NCAM2: variants seen among roughly 807,000 people sequenced by gnomAD.
NCAM2 encodes neural cell adhesion molecule 2.
Under a neutral mutation model 98.1 loss-of-function variants are expected in NCAM2, and 30 were observed. That is an observed-to-expected ratio of 0.31 (90% CI 0.23 to 0.41). NCAM2 has a LOEUF of 0.41. Among genes scored for constraint, NCAM2 ranks in the 10% least tolerant of loss-of-function variants. The pLI, the probability that NCAM2 is intolerant of heterozygous loss-of-function variation, is 1.00. For missense variants in NCAM2, 867 were observed against 1,005.8 expected, an observed-to-expected ratio of 0.86 and a Z score of 1.87; for synonymous variants, 368 against 342.4, an observed-to-expected ratio of 1.07 and a Z score of -0.83.
intron 17 of NCAM2, 60 bp from the exon 18 acceptor site, chr21:21,537,786 G>T (rs1990061256): frequency 3.7e-6 from 3 of 810,568 alleles, no homozygotes; most frequent in Non-Finnish European, 5.9e-6. Context: ...TAACTTAAAG[G>T]TTAAGGTACG....
intron 1 of NCAM2, among the ~76,000 whole-genome samples, chr21:21,184,318 A>G (rs115246635): frequency 9.9e-4 from 150 of 152,196 alleles, no homozygotes; most frequent in African/African-American, 3.3e-3. Context: ...TAAAATAAAA[A>G]AAAAAAGAAA....
Position 21,264,990 on chromosome 21 carries a change from G to GTCTGTATATATATACACATATATATTATA in NCAM2, c.56-15587_56-15586insCTGTATATATATACACATATATATTATAT, listed in dbSNP as rs1568855093. Among the ~76,000 whole-genome samples the GTCTGTATATATATACACATATATATTATA allele has an allele frequency of 2.0e-3, 167 of 81,788 alleles. 16 individuals carry two copies. Among genetic ancestry groups the GTCTGTATATATATACACATATATATTATA allele is most frequent in the African/African-American group, 7.7e-3 (166 of 21,592 alleles). The allele number at this position is 81,788 out of a possible 152,430, so 53.7% of individuals were successfully genotyped here. A position where few individuals can be genotyped will look rare whatever the true frequency, so the allele number is the denominator to read the frequency against. ...ATATACACATATATATTATATATGT[G>GTCTGTATATATATACACATATATATTATA]TATGTGTATATATACACATATATAT... On this transcript the variant is annotated intron_variant, in intron 1 of 17. Transcript: ENST00000400546.
chr21:21,333,818 G>A (rs1255824666), intron 6 of NCAM2, among the ~76,000 whole-genome samples: 1 of 151,850 alleles, frequency 6.6e-6, no homozygotes, highest in Non-Finnish European at 1.5e-5. Flanking sequence ...GAAATATATT[G>A]TATCCCTAAT....
chr21:21,089,274 T>A (rs1488751446), intron 1 of NCAM2, among the ~76,000 whole-genome samples: 1 of 152,192 alleles, frequency 6.6e-6, no homozygotes, highest in Non-Finnish European at 1.5e-5. Context: ...TTTAAAATTA[T>A]TTTTATTATT....
chr21:21,087,738 A>G (rs1211917238), intron 1 of NCAM2, among the ~76,000 whole-genome samples: 1 of 152,114 alleles, frequency 6.6e-6, no homozygotes. Context: ...GGTACTAAGG[A>G]TGCGTCTCAT....
chr21:21,127,068 G>T (rs2066841716), intron 1 of NCAM2, among the ~76,000 whole-genome samples: 1 of 151,704 alleles, frequency 6.6e-6, no homozygotes, highest in Non-Finnish European at 1.5e-5. Flanking sequence ...TATTAAAAAA[G>T]AATAAGAATC....
intron 12 of NCAM2, among the ~76,000 whole-genome samples, chr21:21,433,516 G>T (rs1433415791): frequency 1.3e-5 from 2 of 151,678 alleles, no homozygotes; most frequent in Non-Finnish European, 2.9e-5. Flanking sequence ...GAGGCAGGTG[G>T]ATCATGAGGT....
intron 1 of NCAM2, among the ~76,000 whole-genome samples, chr21:21,018,128 CTAAT>C (rs754829432): frequency 1.3e-5 from 2 of 152,180 alleles, no homozygotes; most frequent in Non-Finnish European, 2.9e-5. Context: ...TAACTGAAGA[CTAAT>C]TAGCCAGTGT....
chr21:21,100,631 A>G (rs1239391358), intron 1 of NCAM2, among the ~76,000 whole-genome samples: 1 of 152,086 alleles, frequency 6.6e-6, no homozygotes, highest in Non-Finnish European at 1.5e-5. Flanking sequence ...TCAGTAGTAG[A>G]AAGCGGTTTT....
chr21:21,534,388 G>A, intron 16 of NCAM2, 149 bp from the exon 17 acceptor site: 1 of 566,878 alleles, frequency 1.8e-6, no homozygotes, highest in Non-Finnish European at 2.8e-6. Context: ...AAATTTAAAT[G>A]GTAAAGCATT....
At chr21:21,125,876 A>G (rs1014821601) in intron 1 of NCAM2, among the ~76,000 whole-genome samples, 3 of 151,582 alleles carry the variant, frequency 2.0e-5, no homozygotes, top group African/African-American at 7.3e-5. Flanking sequence ...TCATTTTCAG[A>G]TTTCATGGGA....
chr21:21,370,698 G>A (rs1239381989), intron 8 of NCAM2, among the ~76,000 whole-genome samples: 1 of 151,672 alleles, frequency 6.6e-6, no homozygotes, highest in South Asian at 2.1e-4. Flanking sequence ...TAGACAACCT[G>A]GTCATTCAGC....
chr21:21,051,966 T>C (rs8134297), intron 1 of NCAM2, among the ~76,000 whole-genome samples: 133,956 of 152,098 alleles, frequency 0.88, 59,564 homozygotes, highest in Middle Eastern at 0.96. Flanking sequence ...GAATTCCTTT[T>C]TTTATTCAAC....
intron 1 of NCAM2, among the ~76,000 whole-genome samples, chr21:21,131,380 TCTCCTGTCTCAGC>T (rs1419930375): frequency 6.6e-6 from 1 of 151,694 alleles, no homozygotes; most frequent in Non-Finnish European, 1.5e-5. Context: ...TTCAAGGGAG[TCTCCTGTCTCAGC>T]CTCCCTAGTA....
chr21:21,013,536 C>G (rs887340165), intron 1 of NCAM2, among the ~76,000 whole-genome samples: 10 of 152,170 alleles, frequency 6.6e-5, no homozygotes, highest in African/African-American at 2.4e-4. Flanking sequence ...AATTTCAGCA[C>G]TTTTGGAGGC....
At chr21:21,467,525 T>G (rs1014699405) in intron 13 of NCAM2, among the ~76,000 whole-genome samples, 4 of 151,238 alleles carry the variant, frequency 2.6e-5, no homozygotes, top group Non-Finnish European at 5.9e-5. Flanking sequence ...TCAGGTAAGT[T>G]TCTTTTCTCC....
chr21:21,026,234 G>A (rs1023100376), intron 1 of NCAM2, among the ~76,000 whole-genome samples: 10 of 152,122 alleles, frequency 6.6e-5, no homozygotes, highest in Admixed American at 4.6e-4. Flanking sequence ...ATTAACTAGG[G>A]TTTATTTGAG....
At chr21:21,021,493 G>C (rs1445700479) in intron 1 of NCAM2, among the ~76,000 whole-genome samples, 1 of 152,140 alleles carries the variant, frequency 6.6e-6, no homozygotes, top group Non-Finnish European at 1.5e-5. Context: ...TCAATACATA[G>C]ACATGTAAGA....
chr21:21,205,412 G>C (rs2069401733), intron 1 of NCAM2, among the ~76,000 whole-genome samples: 1 of 151,932 alleles, frequency 6.6e-6, no homozygotes, highest in Non-Finnish European at 1.5e-5. Flanking sequence ...TTTATTTTGG[G>C]GGCATTCTGA....
Sources: allele counts gnomAD v4.1 joint callset (sites outside exome capture counted in the v4.1 genomes callset), GRCh38; gene constraint gnomAD v4.1.1; transcripts MANE v1.5; gene names NCBI Gene and HGNC (gene_info 2026-07-23, HGNC 2026-07-21).